Variants in WDPCP observed in about 807,000 individuals in gnomAD.
The protein encoded by WDPCP is WD repeat containing planar cell polarity effector.
Under a neutral mutation model 93.1 loss-of-function variants are expected in WDPCP, and 71 were observed. The observed-to-expected ratio is 0.76, with a 90% CI of 0.63 to 0.93. The LOEUF is 0.93. Ranked by LOEUF, WDPCP falls within the 40% of genes least tolerant of loss-of-function variation. The pLI is 0.00. For synonymous variants in WDPCP, 315 were observed against 315.0 expected, an observed-to-expected ratio of 1.00 and a Z score of 0.00; for missense variants, 844 against 887.4, an observed-to-expected ratio of 0.95 and a Z score of 0.62.
At chr2:63,803,795 C>T (rs1403694978) in intron 2 of WDPCP, among the ~76,000 whole-genome samples, 1 of 152,146 alleles carries the variant, frequency 6.6e-6, no homozygotes, top group Non-Finnish European at 1.5e-5. Context: ...TGTTCTACTA[C>T]ATGTAAGGCA....
chr2:63,327,586 G>A (rs1187337590), intron 12 of WDPCP, among the ~76,000 whole-genome samples: 1 of 152,098 alleles, frequency 6.6e-6, no homozygotes, highest in East Asian at 1.9e-4. Context: ...ACATTCTTAG[G>A]GGAAGAACGT....
the WDPCP span, among the ~76,000 whole-genome samples, chr2:63,838,690 T>C: frequency 1.1e-3 from 164 of 152,234 alleles, 2 homozygotes; most frequent in South Asian, 1.9e-3. Flanking sequence ...TAGTATCTTA[T>C]GAAAAAAAGG....
intron 1 of WDPCP, among the ~76,000 whole-genome samples, chr2:63,525,241 C>A: frequency 6.6e-6 from 1 of 151,982 alleles, no homozygotes; most frequent in Admixed American, 6.6e-5. Context: ...CCAAGGCCTA[C>A]CTGAGGGTGG....
rs1257015419 is a variant in WDPCP at position 63,238,050 on chromosome 2, TAA to T, written c.1915+21255_1915+21256del. 3.3e-5 allele frequency among the ~76,000 whole-genome samples: 5 copies of T among 152,016 alleles called. No homozygotes were observed. In the East Asian group the frequency reaches 9.6e-4, roughly 29 times the overall value. On this transcript the variant is annotated intron_variant, in intron 14 of 17. Coordinates refer to ENST00000272321, the MANE Select transcript of WDPCP (RefSeq NM_015910.7). Reference sequence around the variant, plus strand: ...AGCTACAGCTTCATGAGTTAATTGTTAAATAAGATGACATGCCCAAAATGGCA... The same window carrying T: ...AGCTACAGCTTCATGAGTTAATTGTTATAAGATGACATGCCCAAAATGGCA...
rs1057320954 is a variant in WDPCP, at chr2:63,509,475, A to G, written c.76-16535T>C. Among the ~76,000 whole-genome samples the G allele has an allele frequency of 3.3e-5, 5 of 152,204 alleles. No homozygotes were observed. In the East Asian group the frequency reaches 5.8e-4, roughly 18 times the overall value. On this transcript the variant is annotated intron_variant, in intron 1 of 17. Transcript: ENST00000272321. ...TTATAGCACTACATGCCCACAAGAG[A>G]AAGCAGGAAAGATCGAAAACTGACA...
chr2:63,738,965 A>C (rs1287601020), intron 2 of WDPCP, among the ~76,000 whole-genome samples: 2 of 152,220 alleles, frequency 1.3e-5, no homozygotes, highest in African/African-American at 4.8e-5. Flanking sequence ...ATTTGTACAA[A>C]TGAACTTATA....
At chr2:63,298,050 C>T (rs895023542) in intron 13 of WDPCP, among the ~76,000 whole-genome samples, 12 of 152,118 alleles carry the variant, frequency 7.9e-5, no homozygotes, top group Admixed American at 7.2e-4. Flanking sequence ...TCTGGCAGTA[C>T]CTGACTTTTA....
At chr2:63,309,434 T>C (rs1237359751) in intron 13 of WDPCP, among the ~76,000 whole-genome samples, 2 of 152,014 alleles carry the variant, frequency 1.3e-5, no homozygotes, top group East Asian at 1.9e-4. Context: ...TGTGGCAGGA[T>C]TGCATAAACC....
chr2:63,536,503 A>C (rs988974863), intron 1 of WDPCP, among the ~76,000 whole-genome samples: 1 of 152,220 alleles, frequency 6.6e-6, no homozygotes, highest in Non-Finnish European at 1.5e-5. Context: ...AATGTGGCAC[A>C]TATACACCAT....
intron 2 of WDPCP, among the ~76,000 whole-genome samples, chr2:63,808,314 T>TCTCTCTC (rs946761904): frequency 8.3e-6 from 1 of 120,852 alleles, no homozygotes; most frequent in African/African-American, 2.8e-5. Flanking sequence ...CTCTCCCCTC[T>TCTCTCTC]CCCTCTCCCC....
intron 3 of WDPCP, among the ~76,000 whole-genome samples, chr2:63,649,547 C>T (rs769597094): frequency 1.3e-5 from 2 of 152,152 alleles, no homozygotes; most frequent in African/African-American, 4.8e-5. Flanking sequence ...TGTTTTCAAA[C>T]ACCTTGGGTA....
Position 63,120,212 on chromosome 2 carries a change from T to C in WDPCP, c.*1794A>G, listed in dbSNP as rs894203241. On this transcript the variant is annotated 3_prime_UTR_variant, in exon 18 of 18. Transcript: ENST00000272321. ...TACAATTTTTTCTCTAAAAATTAGTTAACTTTTGATTATCTGTGTGATAAA... is the reference window on the plus strand; with the variant it reads ...TACAATTTTTTCTCTAAAAATTAGTCAACTTTTGATTATCTGTGTGATAAA... Among the ~76,000 whole-genome samples the C allele has an allele frequency of 6.6e-6, 1 of 152,222 alleles. No homozygotes were observed. The highest frequency in any genetic ancestry group is 2.4e-5 in the African/African-American group (1 of 41,466).
Position 63,404,630 on chromosome 2 carries a change from C to T in WDPCP, c.853G>A (p.Asp285Asn). The stretch of plus-strand genomic sequence containing the variant: ...GTGCCAAAGCGAACATCCAGTGGGT[C>T]CCATTCTGTGCGGACAGAACTCAGA... ...EVLSSVRTEW[D>N]PLDVRFGTKQ... is the part of the protein sequence containing the mutation. The change falls in exon 10 of 18, where the codon GAC (aspartate) becomes AAC (asparagine). Residue 285 changes from aspartate to asparagine, a missense_variant. Coordinates refer to ENST00000272321, the MANE Select transcript of WDPCP (RefSeq NM_015910.7). 6.2e-7 allele frequency: 1 copy of T among 1,614,050 alleles called. No homozygotes were observed. The highest frequency in any genetic ancestry group is 8.5e-7 in the Non-Finnish European group (1 of 1,179,956).
intron 17 of WDPCP, among the ~76,000 whole-genome samples, chr2:63,144,391 C>T (rs1671324382): frequency 6.6e-6 from 1 of 151,872 alleles, no homozygotes; most frequent in African/African-American, 2.4e-5. Context: ...CCAGTGATTC[C>T]CTGGCTAATT....
intron 12 of WDPCP, among the ~76,000 whole-genome samples, chr2:63,317,003 T>C (rs1265526129): frequency 6.6e-6 from 1 of 152,160 alleles, no homozygotes; most frequent in Non-Finnish European, 1.5e-5. Flanking sequence ...GTGAAAGATC[T>C]CTACAATGAG....
intron 9 of WDPCP, among the ~76,000 whole-genome samples, chr2:63,418,895 C>T (rs772779251): frequency 4.6e-5 from 7 of 152,114 alleles, no homozygotes; most frequent in African/African-American, 1.4e-4. Flanking sequence ...CCACAGGCTA[C>T]GCAGTATTAA....
At chr2:63,129,212 G>A (rs1239967110) in intron 17 of WDPCP, among the ~76,000 whole-genome samples, 1 of 152,104 alleles carries the variant, frequency 6.6e-6, no homozygotes, top group African/African-American at 2.4e-5. Flanking sequence ...CACCTTTTGG[G>A]TATTGTGACT....
At chr2:63,488,143 G>A (rs1034867750) in intron 2 of WDPCP, among the ~76,000 whole-genome samples, 1 of 151,910 alleles carries the variant, frequency 6.6e-6, no homozygotes, top group African/African-American at 2.4e-5. Flanking sequence ...TTAAATATAA[G>A]AGAACAAAAT....
intron 6 of WDPCP, among the ~76,000 whole-genome samples, chr2:63,458,120 C>G (rs1242433363): frequency 7.3e-6 from 1 of 137,104 alleles, no homozygotes; most frequent in African/African-American, 2.7e-5. Context: ...GAGACTCCGT[C>G]TCAAAAAAAA....
Sources: gnomAD v4.1 joint callset for allele counts (sites outside exome capture counted in the v4.1 genomes callset) on GRCh38, gnomAD v4.1.1 for gene constraint, MANE v1.5 for transcripts, NCBI Gene and HGNC (gene_info 2026-07-23, HGNC 2026-07-21) for gene names.